Variants in AGBL1 observed in about 807,000 individuals in gnomAD.
AGBL1 encodes AGBL carboxypeptidase 1.
Under a neutral mutation model 118.9 loss-of-function variants are expected in AGBL1, and 130 were observed. That is an observed-to-expected ratio of 1.09 (90% confidence interval 0.95 to 1.26). The LOEUF (loss-of-function observed/expected upper bound fraction) is 1.26, where lower values mean the gene tolerates loss of function less well. Ranked by LOEUF, AGBL1 falls within the 50% of genes most tolerant of loss-of-function variation. The probability of loss-of-function intolerance (pLI) is 0.00; values close to 1 mark genes in which losing one functional copy is unlikely to be tolerated. For synonymous variants in AGBL1, 555 were observed against 478.9 expected (o/e 1.16, Z -2.08); for missense variants, 1,584 against 1,298.1 (o/e 1.22, Z -3.38).
At chr15:86,517,655 T>G (rs1157032538) in intron 18 of AGBL1, among the ~76,000 whole-genome samples, 1 of 152,190 alleles carries the variant, frequency 6.6e-6, no homozygotes, top group Non-Finnish European at 1.5e-5. Context: ...TTATCTTCCC[T>G]TGCTCTCTGG....
At chr15:86,292,264 GA>G (rs1174962970) in intron 16 of AGBL1, among the ~76,000 whole-genome samples, 1 of 152,046 alleles carries the variant, frequency 6.6e-6, no homozygotes, top group Non-Finnish European at 1.5e-5. Context: ...CAGAGCCAGA[GA>G]AAAAAATGGG....
chr15:86,148,557 T>C lies in AGBL1; in HGVS notation c.262+4712T>C, dbSNP rs180903377. On this transcript the variant is annotated intron_variant, in intron 3 of 22. Coordinates refer to ENST00000614907, the MANE Select transcript of AGBL1 (RefSeq NM_001386094.1). ...TGAAGATCAAATTAATGAAATAAAG[T>C]GAGAAGACAAGGTTAGAGAAAAAAG... 9.5e-4 allele frequency among the ~76,000 whole-genome samples: 144 copies of C among 152,026 alleles called. 1 individual carries two copies. Among genetic ancestry groups the C allele is most frequent in the African/African-American group, 3.4e-3 (143 of 41,470 alleles).
chr15:86,463,288 G>GTTT (rs796139856), intron 18 of AGBL1, among the ~76,000 whole-genome samples: 1 of 137,362 alleles, frequency 7.3e-6, no homozygotes, highest in Non-Finnish European at 1.6e-5. Context: ...GGGGTTGTTT[G>GTTT]TTTTTTTTTT....
intron 23 of AGBL1, among the ~76,000 whole-genome samples, chr15:86,983,096 T>C (rs531185828): frequency 2.0e-5 from 3 of 152,298 alleles, no homozygotes; most frequent in South Asian, 2.1e-4. Context: ...GTTGTGATAA[T>C]TGGTGTCTTA....
At chr15:86,347,209 C>T (rs537922210) in intron 17 of AGBL1, among the ~76,000 whole-genome samples, 3 of 152,248 alleles carry the variant, frequency 2.0e-5, no homozygotes, top group South Asian at 4.1e-4. Flanking sequence ...GAGAAGTGAT[C>T]TACTAAATGG....
chr15:86,519,672 A>G (rs970521635), intron 18 of AGBL1, among the ~76,000 whole-genome samples: 1 of 152,210 alleles, frequency 6.6e-6, no homozygotes, highest in Non-Finnish European at 1.5e-5. Flanking sequence ...TCTCCAAATC[A>G]TAACCACCAT....
chr15:86,950,871 A>C (rs1451770186), intron 23 of AGBL1, among the ~76,000 whole-genome samples: 1 of 152,118 alleles, frequency 6.6e-6, no homozygotes, highest in Admixed American at 6.6e-5. Flanking sequence ...ATAACAATGC[A>C]AAAACACTAC....
rs938713327 is a variant in AGBL1, at chr15:86,634,798, A to G, written c.2995-39475A>G. 5.3e-5 allele frequency among the ~76,000 whole-genome samples: 8 copies of G among 152,206 alleles called. 1 individual carries two copies. The highest frequency in any genetic ancestry group is 3.3e-4 in the Admixed American group (5 of 15,272). On this transcript the variant is annotated intron_variant, in intron 21 of 22. Coordinates refer to ENST00000614907, the MANE Select transcript of AGBL1 (RefSeq NM_001386094.1). ...TTCACACAAACTTGATGAAGCTAAT[A>G]TAACTGAAAAGACTCTGGCAATAAA...
rs2084157189 is a variant in AGBL1 at position 86,580,409 on chromosome 15, C to A, written c.2994+25872C>A. Among the ~76,000 whole-genome samples, 5 of 152,094 alleles carry A rather than the reference C, an allele frequency of 3.3e-5. No individual in the cohort carries two copies. The South Asian group carries it at 1.0e-3, about 32-fold the overall frequency. On this transcript the variant is annotated intron_variant, in intron 21 of 22. Coordinates refer to ENST00000614907, the MANE Select transcript of AGBL1 (RefSeq NM_001386094.1). ...TATTTCTAACTATGTTATAGACAAG[C>A]CCAGGGTAAAACAAGCAATATGGAC...
chr15:86,247,997 T>C, intron 7 of AGBL1, 118 bp downstream of exon 7: 2 of 1,304,678 alleles, frequency 1.5e-6, no homozygotes, highest in East Asian at 4.7e-5. Context: ...TCTTGTTGCC[T>C]GCTAAGGGCG....
intron 1 of AGBL1, among the ~76,000 whole-genome samples, chr15:86,126,824 T>G (rs560968074): frequency 6.6e-6 from 1 of 152,338 alleles, no homozygotes; most frequent in African/African-American, 2.4e-5. Flanking sequence ...ACACCAAATC[T>G]TGCAACAAAT....
At position 86,673,328 on chromosome 15, in the gene AGBL1, A is replaced by G. The variant is rs187746077; in HGVS notation, c.2995-945A>G. Among the ~76,000 whole-genome samples, 137 of 152,334 alleles carry G rather than the reference A, an allele frequency of 9.0e-4. 1 individual carries two copies. Among genetic ancestry groups the G allele is most frequent in the African/African-American group, 3.1e-3 (128 of 41,580 alleles). ...AAGGCAAAAAGAGTTCGCTGAGCCC[A>G]AGACCACACATTTAGAAACTAGTGA... On this transcript the variant is annotated intron_variant, in intron 21 of 22. Transcript: ENST00000614907.
chr15:87,011,247 A>G (rs2081556909), intron 24 of AGBL1, among the ~76,000 whole-genome samples: 1 of 152,192 alleles, frequency 6.6e-6, no homozygotes, highest in Non-Finnish European at 1.5e-5. Flanking sequence ...ACCACATGGG[A>G]GGAGCCTGAG....
chr15:86,404,844 G>T (rs1020543531), intron 18 of AGBL1, among the ~76,000 whole-genome samples: 1 of 152,194 alleles, frequency 6.6e-6, no homozygotes, highest in African/African-American at 2.4e-5. Flanking sequence ...TTTGTGGACA[G>T]GAAGAAGTGT....
intron 21 of AGBL1, among the ~76,000 whole-genome samples, chr15:86,592,571 T>A (rs946473536): frequency 6.6e-5 from 10 of 152,200 alleles, no homozygotes; most frequent in Admixed American, 6.5e-4. Context: ...GGAGGGGCCG[T>A]GTGTGCAGTG....
At chr15:86,194,013 T>A (rs1337569279) in intron 5 of AGBL1, among the ~76,000 whole-genome samples, 9 of 152,216 alleles carry the variant, frequency 5.9e-5, no homozygotes, top group Non-Finnish European at 1.2e-4. Context: ...TGTAGAGTCA[T>A]ACATTCTCCT....
At chr15:86,928,953 T>C (rs1424512251) in intron 23 of AGBL1, among the ~76,000 whole-genome samples, 1 of 152,216 alleles carries the variant, frequency 6.6e-6, no homozygotes, top group Non-Finnish European at 1.5e-5. Context: ...TTTAGTGTCA[T>C]ACACATTGTT....
At chr15:86,889,394 G>A (rs1228722081) in intron 22 of AGBL1, among the ~76,000 whole-genome samples, 6 of 151,884 alleles carry the variant, frequency 4.0e-5, no homozygotes, top group Admixed American at 6.6e-5. Flanking sequence ...TTCATTGACT[G>A]TTATTTTAAG....
intron 18 of AGBL1, among the ~76,000 whole-genome samples, chr15:86,443,987 A>G (rs1254966840): frequency 6.6e-6 from 1 of 152,126 alleles, no homozygotes; most frequent in Non-Finnish European, 1.5e-5. Context: ...GGATTGCTGG[A>G]TCATATGATA....
Sources: gnomAD v4.1 joint callset for allele counts (sites outside exome capture counted in the v4.1 genomes callset) on GRCh38, gnomAD v4.1.1 for gene constraint, MANE v1.5 for transcripts, NCBI Gene and HGNC (gene_info 2026-07-23, HGNC 2026-07-21) for gene names.